NLK: variants seen among roughly 807,000 people sequenced by gnomAD.
The protein encoded by NLK is serine/threonine-protein kinase NLK.
Under a neutral mutation model 59.0 loss-of-function variants are expected in NLK, and 11 were observed. That is an observed-to-expected ratio of 0.19 (90% CI 0.12 to 0.31). The LOEUF is 0.31. NLK is among the 10% of genes least tolerant of loss of function. NLK has a pLI of 1.00. For missense variants in NLK, 410 were observed against 661.1 expected, an observed-to-expected ratio of 0.62 and a Z score of 4.16; for synonymous variants, 235 against 235.9, an observed-to-expected ratio of 1.00 and a Z score of 0.03.
At chr17:28,105,332 G>C (rs549295214) in intron 1 of NLK, among the ~76,000 whole-genome samples, 1 of 152,224 alleles carries the variant, frequency 6.6e-6, no homozygotes, top group South Asian at 2.1e-4. Flanking sequence ...CATGGCTAAT[G>C]AACTGTAGCA....
intron 1 of NLK, among the ~76,000 whole-genome samples, chr17:28,077,423 T>G (rs909753804): frequency 6.6e-6 from 1 of 152,074 alleles, no homozygotes; most frequent in African/African-American, 2.4e-5. Flanking sequence ...GAAACTGCCC[T>G]CATGATTCAA....
chr17:28,198,795 T>A (rs1458785118), downstream of NLK, among the ~76,000 whole-genome samples: 1 of 152,230 alleles, frequency 6.6e-6, no homozygotes, highest in Non-Finnish European at 1.5e-5. Flanking sequence ...AGGGACAATT[T>A]GAAACAGGTT....
In NLK at chr17:28,129,980, C is replaced by T. The variant is rs76166487; in HGVS notation, c.589-2640C>T. On this transcript the variant is annotated intron_variant, in intron 2 of 10. Coordinates refer to ENST00000407008, the MANE Select transcript of NLK (RefSeq NM_016231.5). ...AAGATTTGTGACATATGCAGAGACA[C>T]TGTTAAGAAATGTGTTTGGTAATGA... Among the ~76,000 whole-genome samples, 995 of 152,266 alleles carry T rather than the reference C, an allele frequency of 6.5e-3. 15 individuals are homozygous for T. Among genetic ancestry groups the T allele is most frequent in the African/African-American group, 0.022 (926 of 41,532 alleles).
At chr17:28,197,006 C>G (rs906826712), downstream of NLK, among the ~76,000 whole-genome samples, 3 of 152,080 alleles carry the variant, frequency 2.0e-5, no homozygotes, top group Non-Finnish European at 4.4e-5. Context: ...TATTCTAACT[C>G]ATGTAAATTA....
chr17:28,110,017 A>G (rs192646143), intron 1 of NLK, among the ~76,000 whole-genome samples: 1 of 152,356 alleles, frequency 6.6e-6, no homozygotes, highest in Admixed American at 6.5e-5. Context: ...TTGTCATCTT[A>G]ACACCATTGA....
At chr17:28,047,146 T>C (rs957646514) in intron 1 of NLK, among the ~76,000 whole-genome samples, 1 of 152,240 alleles carries the variant, frequency 6.6e-6, no homozygotes, top group Non-Finnish European at 1.5e-5. Context: ...GAGGTAATTC[T>C]TGTAAACCAA....
At chr17:28,072,327 C>CTTTTTTTTTTTTTTTTTTT (rs56146394) in intron 1 of NLK, among the ~76,000 whole-genome samples, 1 of 132,750 alleles carries the variant, frequency 7.5e-6, no homozygotes, top group Non-Finnish European at 1.6e-5. Context: ...TCTTCTTTTT[C>CTTTTTTTTTTTTTTTTTTT]TTTTTTTTTT....
chr17:28,073,182 C>T (rs184286900), intron 1 of NLK, among the ~76,000 whole-genome samples: 2 of 152,270 alleles, frequency 1.3e-5, no homozygotes, highest in East Asian at 1.9e-4. Flanking sequence ...TTCTGTTTTA[C>T]TCTTCTACCA....
At position 28,185,352 on chromosome 17, in the gene NLK, A is replaced by G. The variant is rs1223785686; in HGVS notation, c.1236+87A>G. 9.0e-6 allele frequency: 7 copies of G among 780,296 alleles called. No individual in the cohort carries two copies. In the African/African-American group the frequency reaches 1.1e-4, roughly 12 times the overall value. The allele number at this position is 780,296 out of a possible 1,614,324, so 48.3% of individuals were successfully genotyped here. On this transcript the variant is annotated intron_variant, in intron 8 of 10. Transcript: ENST00000407008. ...CATTGTGGTTTTGAATAGATTGGCA[A>G]TGTAAATAATTACTTTTCAGAATAT...
At chr17:28,201,141 T>A (rs969090069), downstream of NLK, among the ~76,000 whole-genome samples, 3 of 152,164 alleles carry the variant, frequency 2.0e-5, no homozygotes. Context: ...ATGCAGTGGG[T>A]GTGATCTTGG....
At chr17:28,162,971 C>G (rs1428750233) in intron 4 of NLK, among the ~76,000 whole-genome samples, 1 of 152,054 alleles carries the variant, frequency 6.6e-6, no homozygotes, top group Non-Finnish European at 1.5e-5. Context: ...AGGACTCAAC[C>G]TTGAGGCTGG....
chr17:28,133,786 A>G (rs1284854866), intron 3 of NLK, among the ~76,000 whole-genome samples: 1 of 152,224 alleles, frequency 6.6e-6, no homozygotes, highest in East Asian at 1.9e-4. Flanking sequence ...AACCAATGTA[A>G]TAGTGAGATA....
rs145651155 is a variant in NLK at position 28,181,227 on chromosome 17, C to T, written c.1150-3952C>T. ...CAGCCTGGGCAACATGGCAAAACCC[C>T]GCTCCACTAAAAATACAAAAAAATT... is the stretch of plus-strand genomic sequence containing the variant. On this transcript the variant is annotated intron_variant, in intron 7 of 10. Transcript: ENST00000407008. Among the ~76,000 whole-genome samples, 791 of 151,960 alleles carry T rather than the reference C, an allele frequency of 5.2e-3. 13 individuals are homozygous for T. Among genetic ancestry groups the T allele is most frequent in the African/African-American group, 0.018 (729 of 41,470 alleles).
chr17:28,044,803 C>G (rs1368274846), intron 1 of NLK, among the ~76,000 whole-genome samples: 3 of 152,176 alleles, frequency 2.0e-5, no homozygotes, highest in Non-Finnish European at 2.9e-5. Flanking sequence ...CATTGATTTA[C>G]TAATAACTTT....
In NLK at chr17:28,144,190, A is replaced by G. The variant is rs138034447; in HGVS notation, c.644+11515A>G. ...TCCTATGCCATGTAGTAAAACTCAC[A>G]TCACCTCTTTTAGTTCATTTAAAAG... On this transcript the variant is annotated intron_variant, in intron 3 of 10. Transcript: ENST00000407008. Among the ~76,000 whole-genome samples the G allele has an allele frequency of 1.1e-3, 170 of 152,294 alleles. 1 individual carries two copies. Among genetic ancestry groups the G allele is most frequent in the African/African-American group, 3.7e-3 (155 of 41,556 alleles).
intron 7 of NLK, among the ~76,000 whole-genome samples, chr17:28,182,340 C>A (rs926740854): frequency 2.6e-5 from 4 of 151,940 alleles, no homozygotes; most frequent in Non-Finnish European, 4.4e-5. Context: ...ATATAAAATT[C>A]TTGATGTTAA....
intron 1 of NLK, among the ~76,000 whole-genome samples, chr17:28,050,202 A>G (rs1909199301): frequency 6.6e-6 from 1 of 152,198 alleles, no homozygotes; most frequent in Admixed American, 6.5e-5. Context: ...ATGGAAGGTC[A>G]GGATGCTTCC....
chr17:28,155,497 C>A (rs908394444), intron 3 of NLK, among the ~76,000 whole-genome samples: 3 of 151,950 alleles, frequency 2.0e-5, no homozygotes, highest in Non-Finnish European at 4.4e-5. Context: ...TTATTGTGGC[C>A]CTATTCACAA....
chr17:28,090,728 T>C (rs373784542), intron 1 of NLK, among the ~76,000 whole-genome samples: 1 of 152,132 alleles, frequency 6.6e-6, no homozygotes, highest in South Asian at 2.1e-4. Context: ...TAATGAAAGT[T>C]ATTTTTGCTG....
Sources: allele counts gnomAD v4.1 joint callset (sites outside exome capture counted in the v4.1 genomes callset), GRCh38; gene constraint gnomAD v4.1.1; transcripts MANE v1.5; gene names NCBI Gene and HGNC (gene_info 2026-07-23, HGNC 2026-07-21).